The following NAALADL2 variants were observed in gnomAD, a reference collection of about 807,000 sequenced individuals.
NAALADL2 encodes the protein N-acetylated alpha-linked acidic dipeptidase like 2, also known as inactive N-acetylated-alpha-linked acidic dipeptidase-like protein 2.
NAALADL2 carries 76 observed loss-of-function variants against 87.2 expected under a neutral mutation model. That is an observed-to-expected ratio of 0.87 (90% CI 0.72 to 1.05). The LOEUF (loss-of-function observed/expected upper bound fraction) is 1.05, where lower values mean the gene tolerates loss of function less well. Among genes scored for constraint, NAALADL2 ranks in the 50% least tolerant of loss-of-function variants. The probability of loss-of-function intolerance (pLI) is 0.00; values close to 1 mark genes in which losing one functional copy is unlikely to be tolerated. For synonymous variants in NAALADL2, 354 were observed against 331.0 expected, an observed-to-expected ratio of 1.07 and a Z score of -0.75; for missense variants, 1,089 against 945.8, an observed-to-expected ratio of 1.15 and a Z score of -1.99.
intron 2 of NAALADL2, among the ~76,000 whole-genome samples, chr3:175,114,267 G>A (rs958513730): frequency 6.6e-6 from 1 of 151,558 alleles, no homozygotes; most frequent in East Asian, 1.9e-4. Context: ...ATTAAATCAC[G>A]TGGATGTGGC....
intron 11 of NAALADL2, among the ~76,000 whole-genome samples, chr3:175,698,327 G>GTATGTGTATATATGTATGTATACATATA (rs1738316857): frequency 1.7e-5 from 1 of 59,766 alleles, no homozygotes. Flanking sequence ...GTGTATTTAT[G>GTATGTGTATATATGTATGTATACATATA]TATGTGTATA....
At chr3:174,469,341 T>C (rs1360087512) in intron 1 of NAALADL2, among the ~76,000 whole-genome samples, 1 of 151,640 alleles carries the variant, frequency 6.6e-6, no homozygotes, top group Admixed American at 6.6e-5. Context: ...CACTGCAACC[T>C]CAGCCTCCCG....
intron 3 of NAALADL2, among the ~76,000 whole-genome samples, chr3:174,740,886 A>G (rs1010193000): frequency 6.6e-6 from 1 of 151,790 alleles, no homozygotes; most frequent in Non-Finnish European, 1.5e-5. Context: ...AGATTAAATT[A>G]TAGGAATTCT....
chr3:175,171,692 A>C (rs569049093), intron 2 of NAALADL2, among the ~76,000 whole-genome samples: 19 of 152,228 alleles, frequency 1.2e-4, no homozygotes, highest in Non-Finnish European at 2.4e-4. Context: ...GAACAGGTGA[A>C]ATGTAGTACA....
chr3:175,096,323 AT>A (rs1362416366), intron 1 of NAALADL2, among the ~76,000 whole-genome samples: 2 of 151,880 alleles, frequency 1.3e-5, no homozygotes, highest in African/African-American at 4.8e-5. Context: ...GGTTTTTATT[AT>A]TTTTTCCCTT....
chr3:175,004,481 A>G (rs903883733), intron 1 of NAALADL2, among the ~76,000 whole-genome samples: 1 of 151,432 alleles, frequency 6.6e-6, no homozygotes, highest in African/African-American at 2.4e-5. Context: ...TTAACAGCTA[A>G]TTCAGGTATT....
intron 10 of NAALADL2, among the ~76,000 whole-genome samples, chr3:175,616,145 A>G (rs980019853): frequency 6.8e-6 from 1 of 147,726 alleles, no homozygotes; most frequent in South Asian, 2.1e-4. Context: ...ATATTATATA[A>G]ATGATATATG....
intron 4 of NAALADL2, among the ~76,000 whole-genome samples, chr3:175,268,494 C>T (rs1298111283): frequency 1.3e-5 from 2 of 151,940 alleles, no homozygotes; most frequent in Non-Finnish European, 2.9e-5. Context: ...TACAATTAGA[C>T]TACAGTATAT....
At chr3:175,298,796 A>T (rs924753057) in intron 4 of NAALADL2, among the ~76,000 whole-genome samples, 3 of 152,168 alleles carry the variant, frequency 2.0e-5, no homozygotes, top group Non-Finnish European at 4.4e-5. Context: ...GCTTATAAGA[A>T]CTTTCATGTA....
chr3:175,251,573 A>G (rs1473206276), intron 3 of NAALADL2, among the ~76,000 whole-genome samples: 1 of 152,226 alleles, frequency 6.6e-6, no homozygotes, highest in Non-Finnish European at 1.5e-5. Context: ...AAGTTAACAT[A>G]GTACCCCAAC....
At chr3:175,123,460 A>T (rs1259087506) in intron 2 of NAALADL2, among the ~76,000 whole-genome samples, 1 of 151,904 alleles carries the variant, frequency 6.6e-6, no homozygotes, top group Non-Finnish European at 1.5e-5. Context: ...TAAAAATTTG[A>T]CATTGTTCTT....
intron 11 of NAALADL2, among the ~76,000 whole-genome samples, chr3:175,697,365 C>G (rs1410644854): frequency 6.6e-6 from 1 of 150,474 alleles, no homozygotes; most frequent in Non-Finnish European, 1.5e-5. Flanking sequence ...TGTTGAACAA[C>G]TACTTATAAT....
chr3:174,594,401 G>A (rs1304604906), intron 2 of NAALADL2, among the ~76,000 whole-genome samples: 1 of 152,182 alleles, frequency 6.6e-6, no homozygotes, highest in African/African-American at 2.4e-5. Flanking sequence ...TCGTTGGGAA[G>A]ATTTGCAAGG....
intron 1 of NAALADL2, among the ~76,000 whole-genome samples, chr3:174,993,070 G>A (rs1409238328): frequency 2.6e-5 from 4 of 152,026 alleles, no homozygotes; most frequent in African/African-American, 7.2e-5. Flanking sequence ...GAAAACATCT[G>A]TGTTCCCTAC....
intron 2 of NAALADL2, among the ~76,000 whole-genome samples, chr3:174,625,657 G>T (rs1340182865): frequency 2.0e-5 from 3 of 151,844 alleles, no homozygotes; most frequent in African/African-American, 7.2e-5. Flanking sequence ...ATTTATACTT[G>T]TGAAAAATGT....
At chr3:175,231,920 G>A (rs1355134585) in intron 2 of NAALADL2, among the ~76,000 whole-genome samples, 1 of 152,046 alleles carries the variant, frequency 6.6e-6, no homozygotes, top group African/African-American at 2.4e-5. Flanking sequence ...CAGAGAGAAT[G>A]CAATAGCAAT....
intron 2 of NAALADL2, among the ~76,000 whole-genome samples, chr3:174,588,657 G>A (rs1717003299): frequency 6.6e-6 from 1 of 152,184 alleles, no homozygotes. Context: ...GACCCTGTTT[G>A]CCTGGGTATC....
At chr3:174,979,656 A>T (rs2108646004) in intron 1 of NAALADL2, among the ~76,000 whole-genome samples, 1 of 152,218 alleles carries the variant, frequency 6.6e-6, no homozygotes, top group East Asian at 1.9e-4. Context: ...TCTAAAATAC[A>T]GAATTATTTA....
chr3:174,981,618 G>A lies in NAALADL2; in HGVS notation c.44-115172G>A, dbSNP rs149512073. Reference sequence around the variant, plus strand: ...TATATCAAATGTAAATATACTATCAGTTTTTAGGCTTTTAATAATGAAAGC... The same window carrying A: ...TATATCAAATGTAAATATACTATCAATTTTTAGGCTTTTAATAATGAAAGC... On this transcript the variant is annotated intron_variant, in intron 1 of 13. Transcript: ENST00000454872. Among the ~76,000 whole-genome samples the A allele has an allele frequency of 5.6e-4, 86 of 152,236 alleles. 1 individual carries two copies. In the East Asian group the frequency reaches 0.016, roughly 28 times the overall value.
Sources: gnomAD v4.1 joint callset for allele counts (sites outside exome capture counted in the v4.1 genomes callset) on GRCh38, gnomAD v4.1.1 for gene constraint, MANE v1.5 for transcripts, NCBI Gene and HGNC (gene_info 2026-07-23, HGNC 2026-07-21) for gene names.